Variants in NRG1 observed in about 807,000 individuals in gnomAD.
The protein encoded by NRG1 is neuregulin 1.
In NRG1, 18 loss-of-function variants were observed where a neutral mutation model predicts 63.8. The ratio of observed to expected loss-of-function variants is 0.28; its 90% CI spans 0.19 to 0.42. The LOEUF (loss-of-function observed/expected upper bound fraction) is 0.42. Ranked by LOEUF, NRG1 falls within the 10% of genes least tolerant of loss-of-function variation. The pLI is 1.00. For missense variants in NRG1, 762 were observed against 814.7 expected (o/e 0.94, Z 0.79); for synonymous variants, 302 against 301.3 (o/e 1.00, Z -0.02).
chr8:32,732,048 G>A (rs1011333216), intron 6 of NRG1, among the ~76,000 whole-genome samples: 6 of 152,170 alleles, frequency 3.9e-5, no homozygotes, highest in Non-Finnish European at 8.8e-5. Flanking sequence ...AAGGTGTTTC[G>A]AATGGATTAA....
chr8:31,969,117 G>A (rs2129628278), intron 1 of NRG1, among the ~76,000 whole-genome samples: 1 of 152,226 alleles, frequency 6.6e-6, no homozygotes, highest in African/African-American at 2.4e-5. Flanking sequence ...TTTTCCAGGA[G>A]TTTCCACATC....
chr8:31,649,435 G>A (rs1449808803), intron 1 of NRG1, among the ~76,000 whole-genome samples: 2 of 152,266 alleles, frequency 1.3e-5, no homozygotes, highest in East Asian at 3.9e-4. Context: ...GAGTAGTGGT[G>A]AGCAGTTTTT....
At chr8:31,915,392 T>A (rs1331544482) in intron 1 of NRG1, among the ~76,000 whole-genome samples, 1 of 152,128 alleles carries the variant, frequency 6.6e-6, no homozygotes, top group African/African-American at 2.4e-5. Flanking sequence ...CATGCCTCTT[T>A]ACTTTAATTC....
intron 1 of NRG1, among the ~76,000 whole-genome samples, chr8:31,941,414 A>G (rs988320881): frequency 1.3e-5 from 2 of 152,160 alleles, no homozygotes; most frequent in Non-Finnish European, 2.9e-5. Flanking sequence ...AATAAAAACC[A>G]TCTATGGCAA....
At chr8:31,957,035 T>G (rs1282543410) in intron 1 of NRG1, among the ~76,000 whole-genome samples, 1 of 152,170 alleles carries the variant, frequency 6.6e-6, no homozygotes, top group Non-Finnish European at 1.5e-5. Flanking sequence ...CCTAGGTTTC[T>G]GGAAATATTG....
intron 1 of NRG1, among the ~76,000 whole-genome samples, chr8:31,813,116 G>T (rs1823047994): frequency 6.6e-6 from 1 of 152,100 alleles, no homozygotes; most frequent in Admixed American, 6.5e-5. Context: ...TTACTTCTCT[G>T]TATATTTATC....
intron 1 of NRG1, among the ~76,000 whole-genome samples, chr8:32,557,429 GT>G (rs1835405092): frequency 6.6e-6 from 1 of 152,148 alleles, no homozygotes; most frequent in African/African-American, 2.4e-5. Context: ...ACATTTTATT[GT>G]TTAAAATTAT....
At chr8:31,811,654 T>G (rs925142593) in intron 1 of NRG1, among the ~76,000 whole-genome samples, 1 of 152,220 alleles carries the variant, frequency 6.6e-6, no homozygotes, top group Admixed American at 6.5e-5. Flanking sequence ...TAATTTGTTT[T>G]GTTCTTCTCC....
intron 1 of NRG1, among the ~76,000 whole-genome samples, chr8:31,800,309 C>G (rs547322571): frequency 3.3e-5 from 5 of 152,158 alleles, no homozygotes; most frequent in African/African-American, 1.2e-4. Context: ...GATGTGAGAA[C>G]GAAGAAGCAA....
intron 1 of NRG1, among the ~76,000 whole-genome samples, chr8:32,122,555 G>A (rs537477411): frequency 2.1e-4 from 32 of 152,018 alleles, no homozygotes; most frequent in African/African-American, 7.7e-4. Context: ...AATTTTCCAA[G>A]GGTGTGTGAA....
chr8:32,487,818 G>C (rs78661410), intron 1 of NRG1, among the ~76,000 whole-genome samples: 2 of 152,280 alleles, frequency 1.3e-5, no homozygotes, highest in East Asian at 3.9e-4. Flanking sequence ...CAGGCAACTC[G>C]TTACCGTCCC....
chr8:32,136,743 T>G (rs1181483649), intron 1 of NRG1: 1 of 152,186 alleles, frequency 6.6e-6, no homozygotes, highest in East Asian at 1.9e-4. Flanking sequence ...TGGGGTAAAG[T>G]GCCGATAGGT....
intron 1 of NRG1, among the ~76,000 whole-genome samples, chr8:32,234,661 T>C (rs1051654632): frequency 2.0e-5 from 3 of 152,116 alleles, no homozygotes; most frequent in African/African-American, 7.2e-5. Context: ...TGGCAGAAAG[T>C]ATGGATGTCA....
At chr8:32,552,501 A>G (rs946773693) in intron 1 of NRG1, among the ~76,000 whole-genome samples, 2 of 152,078 alleles carry the variant, frequency 1.3e-5, no homozygotes, top group Non-Finnish European at 2.9e-5. Flanking sequence ...TGTTTCCCCA[A>G]TGACATCACC....
intron 1 of NRG1, among the ~76,000 whole-genome samples, chr8:32,290,778 T>C (rs1302561576): frequency 6.6e-6 from 1 of 152,210 alleles, no homozygotes; most frequent in African/African-American, 2.4e-5. Context: ...TTCTTCCTAC[T>C]CACCTTATTC....
intron 1 of NRG1, among the ~76,000 whole-genome samples, chr8:32,225,489 G>GT (rs1182251612): frequency 6.6e-6 from 1 of 152,034 alleles, no homozygotes; most frequent in East Asian, 1.9e-4. Context: ...AATGGTTTTA[G>GT]TTTTTTTCTT....
rs1320994224 is a variant in NRG1, at chr8:31,640,560, C to T, written c.37+1129C>T. The T allele has an allele frequency of 1.2e-5, 20 of 1,611,740 alleles. No homozygotes were observed. Among genetic ancestry groups the T allele is most frequent in the Non-Finnish European group, 1.6e-5 (19 of 1,179,416 alleles). On this transcript the variant is annotated intron_variant, in intron 1 of 10. Coordinates refer to the NRG1 transcript ENST00000519301. This position sits in a 1 kb window ranked among gnomAD's most constrained non-coding sequence, Gnocchi z 6.3. Reference sequence around the variant, plus strand: ...GCCTGGGGACCTGGGGCCACCCCGCCTTCCCCTCCTGCGGGAGGCTCAAGG... The same window carrying T: ...GCCTGGGGACCTGGGGCCACCCCGCTTTCCCCTCCTGCGGGAGGCTCAAGG...
chr8:32,113,147 A>G (rs535006680), intron 1 of NRG1, among the ~76,000 whole-genome samples: 1 of 152,254 alleles, frequency 6.6e-6, no homozygotes, highest in African/African-American at 2.4e-5. Context: ...GATGTCAGAT[A>G]TCTTTCCCTT....
At chr8:32,513,959 C>T (rs73579869) in intron 1 of NRG1, among the ~76,000 whole-genome samples, 93 of 152,198 alleles carry the variant, frequency 6.1e-4, no homozygotes, top group African/African-American at 2.2e-3. Context: ...TTTTAATGCT[C>T]AAGGCCCAAT....
Sources: gnomAD v4.1 joint callset for allele counts (sites outside exome capture counted in the v4.1 genomes callset) on GRCh38, gnomAD v4.1.1 for gene constraint, Gnocchi (gnomAD v3.1) non-coding constraint, MANE v1.5 for transcripts, NCBI Gene and HGNC (gene_info 2026-07-23, HGNC 2026-07-21) for gene names.